Variants in PDE9A observed in about 807,000 individuals in gnomAD.
The protein encoded by PDE9A is high affinity cGMP-specific 3',5'-cyclic phosphodiesterase 9A.
PDE9A carries 60 observed loss-of-function variants against 87.4 expected under a neutral mutation model. The observed-to-expected ratio is 0.69, with a 90% CI of 0.56 to 0.85. PDE9A has a LOEUF of 0.85. Ranked by LOEUF, PDE9A falls within the 40% of genes least tolerant of loss-of-function variation. The probability of loss-of-function intolerance (pLI) is 0.00; values close to 1 mark genes in which losing one functional copy is unlikely to be tolerated. For missense variants in PDE9A, 665 were observed against 779.0 expected (o/e 0.85, Z 1.74); for synonymous variants, 272 against 279.4 (o/e 0.97, Z 0.27).
At chr21:42,717,779 AG>A (rs1489888011) in intron 4 of PDE9A, among the ~76,000 whole-genome samples, 1 of 151,670 alleles carries the variant, frequency 6.6e-6, no homozygotes, top group East Asian at 1.9e-4. Context: ...TTCTTCAAGA[AG>A]CTTAAAGATG....
intron 17 of PDE9A, among the ~76,000 whole-genome samples, chr21:42,769,979 C>T (rs890932780): frequency 2.0e-5 from 3 of 152,174 alleles, no homozygotes; most frequent in South Asian, 2.1e-4. Flanking sequence ...CCATCGCTGC[C>T]GGCCTTCAGG....
chr21:42,663,108 G>A (rs890657975), intron 1 of PDE9A, among the ~76,000 whole-genome samples: 7 of 136,800 alleles, frequency 5.1e-5, no homozygotes, highest in Admixed American at 1.5e-4. Context: ...CCACATACAC[G>A]CACATCACAC....
At chr21:42,762,495 C>G (rs1354164001) in intron 14 of PDE9A, among the ~76,000 whole-genome samples, 1 of 152,228 alleles carries the variant, frequency 6.6e-6, no homozygotes, top group African/African-American at 2.4e-5. Flanking sequence ...CCTTCACTGG[C>G]TCCCTTTGAG....
At chr21:42,727,208 G>C (rs1291197058) in intron 4 of PDE9A, among the ~76,000 whole-genome samples, 4 of 151,214 alleles carry the variant, frequency 2.6e-5, no homozygotes, top group Non-Finnish European at 5.9e-5. Context: ...CTTGCCATTT[G>C]TTTATATCTT....
At chr21:42,762,010 T>C in intron 13 of PDE9A, 73 bp from the exon 14 acceptor site, 1 of 1,441,378 alleles carries the variant, frequency 6.9e-7, no homozygotes, top group Non-Finnish European at 9.6e-7. Flanking sequence ...CTTACATGGC[T>C]GGGTGTTGCT....
intron 7 of PDE9A, among the ~76,000 whole-genome samples, chr21:42,737,219 A>C (rs536842202): frequency 1.3e-5 from 2 of 152,244 alleles, no homozygotes; most frequent in Non-Finnish European, 2.9e-5. Flanking sequence ...CCAGAGGCAG[A>C]TGCTCCCATC....
chr21:42,726,858 G>A (rs1002256138), intron 4 of PDE9A, among the ~76,000 whole-genome samples: 1 of 150,596 alleles, frequency 6.6e-6, no homozygotes. Flanking sequence ...TCAGTTGGGC[G>A]TATTTGTATG....
At chr21:42,728,109 A>G (rs1010858004) in intron 4 of PDE9A, among the ~76,000 whole-genome samples, 6 of 152,254 alleles carry the variant, frequency 3.9e-5, no homozygotes, top group African/African-American at 9.6e-5. Context: ...AGTAAACAGT[A>G]CAGTATAGCA....
intron 4 of PDE9A, among the ~76,000 whole-genome samples, chr21:42,700,060 C>A (rs1368377367): frequency 6.6e-6 from 1 of 152,058 alleles, no homozygotes; most frequent in Non-Finnish European, 1.5e-5. Flanking sequence ...AACGGACCTG[C>A]TTTCTGACAT....
chr21:42,731,083 G>A (rs1400440933), intron 4 of PDE9A, among the ~76,000 whole-genome samples: 4 of 152,102 alleles, frequency 2.6e-5, no homozygotes, highest in South Asian at 2.1e-4. Flanking sequence ...TCAGCCTCCC[G>A]AGTACCTGGG....
At chr21:42,736,932 G>A (rs770099963) in intron 7 of PDE9A, among the ~76,000 whole-genome samples, 2 of 152,234 alleles carry the variant, frequency 1.3e-5, no homozygotes, top group Non-Finnish European at 1.5e-5. Flanking sequence ...CACCTGTGCT[G>A]AGCCCCAGAG....
intron 4 of PDE9A, among the ~76,000 whole-genome samples, chr21:42,701,597 C>T (rs1331300288): frequency 2.0e-5 from 3 of 151,908 alleles, no homozygotes; most frequent in Non-Finnish European, 2.9e-5. Context: ...CCACCATGCC[C>T]GGCGAATTTT....
intron 7 of PDE9A, among the ~76,000 whole-genome samples, chr21:42,742,964 A>C (rs1684608442): frequency 6.6e-6 from 1 of 152,084 alleles, no homozygotes; most frequent in African/African-American, 2.4e-5. Flanking sequence ...GTAATTTCTA[A>C]TCCTGTGGCT....
At chr21:42,768,440 G>A (rs573875137) in intron 16 of PDE9A, 148 bp downstream of exon 16, 11 of 1,060,950 alleles carry the variant, frequency 1.0e-5, no homozygotes, top group South Asian at 1.8e-5. Context: ...CAGGGTAAGC[G>A]TACATCAGAA....
intron 4 of PDE9A, among the ~76,000 whole-genome samples, chr21:42,717,837 G>A (rs73229564): frequency 0.1 from 15,313 of 151,760 alleles, 1,364 homozygotes; most frequent in East Asian, 0.35. Flanking sequence ...TGAGAAGTCA[G>A]CTTAATTTGA....
chr21:42,666,540 C>T (rs1287431993), intron 1 of PDE9A, among the ~76,000 whole-genome samples: 1 of 152,170 alleles, frequency 6.6e-6, no homozygotes, highest in Non-Finnish European at 1.5e-5. Flanking sequence ...ACAGGCCCGG[C>T]GGCCTCCACA....
intron 7 of PDE9A, chr21:42,734,132 C>T (rs2052131062): frequency 6.6e-6 from 1 of 152,000 alleles, no homozygotes; most frequent in Non-Finnish European, 1.5e-5. Context: ...GAACTGGGAG[C>T]CAATCAAACC....
intron 8 of PDE9A, among the ~76,000 whole-genome samples, chr21:42,746,790 G>C (rs1452739972): frequency 6.6e-6 from 1 of 152,240 alleles, no homozygotes; most frequent in Non-Finnish European, 1.5e-5. Context: ...CCGGGCTGTG[G>C]GGGGCACCTG....
At chr21:42,693,393 G>A (rs570187000) in intron 3 of PDE9A, among the ~76,000 whole-genome samples, 3 of 151,452 alleles carry the variant, frequency 2.0e-5, no homozygotes, top group African/African-American at 7.3e-5. Flanking sequence ...CTGCCTTCCG[G>A]GTTCACGCCA....
Sources: gnomAD v4.1 joint callset for allele counts (sites outside exome capture counted in the v4.1 genomes callset) on GRCh38, gnomAD v4.1.1 for gene constraint, MANE v1.5 for transcripts, NCBI Gene and HGNC (gene_info 2026-07-23, HGNC 2026-07-21) for gene names.